CDH12: variants seen among roughly 807,000 people sequenced by gnomAD.
The protein encoded by CDH12 is cadherin 12, also known as cadherin-12.
A neutral mutation model predicts 74.1 loss-of-function variants in CDH12; 41 were observed. The ratio of observed to expected loss-of-function variants is 0.55; its 90% CI spans 0.43 to 0.72. The LOEUF (loss-of-function observed/expected upper bound fraction) is 0.72. Among genes scored for constraint, CDH12 ranks in the 30% least tolerant of loss-of-function variants. CDH12 has a pLI of 0.00. For synonymous variants in CDH12, 399 were observed against 355.0 expected, an observed-to-expected ratio of 1.12 and a Z score of -1.39; for missense variants, 945 against 977.2, an observed-to-expected ratio of 0.97 and a Z score of 0.44.
intron 1 of CDH12, among the ~76,000 whole-genome samples, chr5:22,523,492 ATTAATT>A (rs1311856723): frequency 6.6e-6 from 1 of 152,216 alleles, no homozygotes; most frequent in East Asian, 1.9e-4. Context: ...ATCTTGAACT[ATTAATT>A]TTAATTTCCT....
chr5:22,640,791 T>C (rs559904434), intron 1 of CDH12, among the ~76,000 whole-genome samples: 1 of 152,290 alleles, frequency 6.6e-6, no homozygotes, highest in South Asian at 2.1e-4. Context: ...TATCCACGCA[T>C]TGTTATGTCT....
At chr5:22,760,419 G>T (rs1456214795) in intron 1 of CDH12, among the ~76,000 whole-genome samples, 1 of 151,996 alleles carries the variant, frequency 6.6e-6, no homozygotes, top group Admixed American at 6.6e-5. Context: ...GGTGGCTCCC[G>T]CCTGTAATCC....
At chr5:22,020,716 T>A (rs2150160962) in intron 5 of CDH12, among the ~76,000 whole-genome samples, 1 of 152,258 alleles carries the variant, frequency 6.6e-6, no homozygotes, top group East Asian at 1.9e-4. Flanking sequence ...TTTCTCCCTC[T>A]TCTGAGAGGC....
At chr5:22,275,512 A>G (rs1360005947) in intron 3 of CDH12, among the ~76,000 whole-genome samples, 1 of 152,118 alleles carries the variant, frequency 6.6e-6, no homozygotes, top group Non-Finnish European at 1.5e-5. Context: ...TAAAGAGAAG[A>G]GGTATATTTA....
intron 8 of CDH12, among the ~76,000 whole-genome samples, chr5:21,834,351 A>G (rs1749412739): frequency 6.6e-6 from 1 of 151,864 alleles, no homozygotes; most frequent in South Asian, 2.1e-4. Flanking sequence ...GTATTGACCA[A>G]AAGGGTAATA....
intron 3 of CDH12, among the ~76,000 whole-genome samples, chr5:22,232,226 T>G (rs1041145011): frequency 3.3e-5 from 5 of 151,880 alleles, no homozygotes; most frequent in Non-Finnish European, 7.4e-5. Context: ...TTTTCTTGGA[T>G]TTGGAAACAA....
At chr5:21,884,083 C>T in intron 6 of CDH12, 1 of 1,420,506 alleles carries the variant, frequency 7.0e-7, no homozygotes, top group South Asian at 1.1e-5. Context: ...ATGCAAAATT[C>T]CTCAGAAGTT....
At chr5:22,089,774 G>A (rs1743304008) in intron 4 of CDH12, among the ~76,000 whole-genome samples, 1 of 151,892 alleles carries the variant, frequency 6.6e-6, no homozygotes, top group Non-Finnish European at 1.5e-5. Context: ...TTCTGTAACT[G>A]GGGAAATTAA....
intron 1 of CDH12, among the ~76,000 whole-genome samples, chr5:22,819,048 A>T (rs966938698): frequency 7.9e-5 from 12 of 152,178 alleles, no homozygotes; most frequent in African/African-American, 2.7e-4. Flanking sequence ...AAATAAATTT[A>T]AAATTTTTGA....
intron 6 of CDH12, among the ~76,000 whole-genome samples, chr5:21,966,664 A>C (rs1756599039): frequency 6.6e-6 from 1 of 152,156 alleles, no homozygotes; most frequent in Non-Finnish European, 1.5e-5. Flanking sequence ...TTTGGAAAAC[A>C]CTTGGCTCCC....
chr5:22,747,396 G>T (rs1025994637), intron 1 of CDH12, among the ~76,000 whole-genome samples: 1 of 151,230 alleles, frequency 6.6e-6, no homozygotes, highest in Admixed American at 6.6e-5. Flanking sequence ...GGCCAACATG[G>T]GCAGATTGCT....
At chr5:22,319,657 A>G (rs1738780606) in intron 3 of CDH12, among the ~76,000 whole-genome samples, 1 of 152,218 alleles carries the variant, frequency 6.6e-6, no homozygotes, top group South Asian at 2.1e-4. Flanking sequence ...ATATTTTTCA[A>G]ACATATGGGC....
At position 22,620,141 on chromosome 5, in the gene CDH12, A is replaced by G. The variant is rs150482637; in HGVS notation, c.-522-114777T>C. 3.6e-3 allele frequency among the ~76,000 whole-genome samples: 551 copies of G among 152,216 alleles called. 1 individual carries two copies. The highest frequency in any genetic ancestry group is 0.01 in the African/African-American group (423 of 41,556). On this transcript the variant is annotated intron_variant, in intron 1 of 14. Transcript: ENST00000382254. The stretch of plus-strand genomic sequence containing the variant: ...AGCTAAGTTTAGAAAAATGAAATCA[A>G]TGTGTATTGTCAGAATGCAAGTCAC...
intron 8 of CDH12, among the ~76,000 whole-genome samples, chr5:21,836,854 G>T (rs78585812): frequency 0.018 from 2,710 of 151,986 alleles, 79 homozygotes; most frequent in African/African-American, 0.062. Flanking sequence ...ATTTTGTAAA[G>T]AAACTATTTT....
intron 3 of CDH12, among the ~76,000 whole-genome samples, chr5:22,352,247 G>A (rs778302911): frequency 4.0e-5 from 6 of 151,576 alleles, no homozygotes; most frequent in Admixed American, 1.3e-4. Context: ...CAATAAAATC[G>A]AATCCATTCT....
chr5:22,052,243 A>C lies in CDH12; in HGVS notation c.231+26203T>G, dbSNP rs542310130. Among the ~76,000 whole-genome samples, 32 of 152,294 alleles carry C rather than the reference A, an allele frequency of 2.1e-4. 2 individuals carry two copies. The South Asian group carries it at 6.6e-3, about 32-fold the overall frequency. On this transcript the variant is annotated intron_variant, in intron 5 of 14. Coordinates refer to ENST00000382254, the MANE Select transcript of CDH12 (RefSeq NM_004061.5). ...TCTCTTATAATCTTGTTTCAAGTAT[A>C]GGCCTCCTACATTTTTCCCACAACA...
At chr5:22,549,967 G>T (rs1363343390) in intron 1 of CDH12, among the ~76,000 whole-genome samples, 1 of 152,100 alleles carries the variant, frequency 6.6e-6, no homozygotes, top group Non-Finnish European at 1.5e-5. Flanking sequence ...TTGGATTCAC[G>T]AAATTACCTT....
intron 3 of CDH12, among the ~76,000 whole-genome samples, chr5:22,287,175 C>T (rs1737175838): frequency 6.6e-6 from 1 of 152,112 alleles, no homozygotes; most frequent in Non-Finnish European, 1.5e-5. Context: ...ACACAACAAA[C>T]TTTGTTATGG....
rs138974081 is a variant in CDH12, at chr5:22,125,208, G to T, written c.-186-46346C>A. 5.8e-3 allele frequency among the ~76,000 whole-genome samples: 878 copies of T among 151,984 alleles called. 6 individuals carry two copies. Among genetic ancestry groups the T allele is most frequent in the African/African-American group, 0.018 (745 of 41,452 alleles). On this transcript the variant is annotated intron_variant, in intron 4 of 14. Coordinates refer to ENST00000382254, the MANE Select transcript of CDH12 (RefSeq NM_004061.5). The stretch of plus-strand genomic sequence containing the variant: ...GCTGTACCTATCAACCTGTCATCTA[G>T]GTTTTAAGATCCACATGCATTAGGT...
Sources: gnomAD v4.1 joint callset for allele counts (sites outside exome capture counted in the v4.1 genomes callset) on GRCh38, gnomAD v4.1.1 for gene constraint, MANE v1.5 for transcripts, NCBI Gene and HGNC (gene_info 2026-07-23, HGNC 2026-07-21) for gene names.